RICTOR: variants seen among roughly 807,000 people sequenced by gnomAD.
RICTOR encodes RPTOR independent companion of MTOR complex 2, also known as rapamycin-insensitive companion of mTOR.
A neutral mutation model predicts 214.9 loss-of-function variants in RICTOR; 49 were observed. That is an observed-to-expected ratio of 0.23 (90% confidence interval 0.18 to 0.29). The LOEUF (loss-of-function observed/expected upper bound fraction) is 0.29. Among genes scored for constraint, RICTOR ranks in the 10% least tolerant of loss-of-function variants. RICTOR has a pLI of 1.00. For synonymous variants in RICTOR, 717 were observed against 711.3 expected, an observed-to-expected ratio of 1.01 and a Z score of -0.13; for missense variants, 1,625 against 2,047.0, an observed-to-expected ratio of 0.79 and a Z score of 3.98.
rs193127360 is a variant in RICTOR, at chr5:38,989,825, G to T, written c.583+1124C>A. The stretch of plus-strand genomic sequence containing the variant: ...ATACCATCTCACCCCAGTAAGAATG[G>T]CGATCATTAAAAAGTCAGGAACCAA... On this transcript the variant is annotated intron_variant, in intron 7 of 37. Coordinates refer to ENST00000357387, the MANE Select transcript of RICTOR (RefSeq NM_152756.5). Among the ~76,000 whole-genome samples the T allele has an allele frequency of 5.9e-3, 902 of 152,236 alleles. 12 individuals carry two copies. The highest frequency in any genetic ancestry group is 0.021 in the African/African-American group (864 of 41,548).
rs549686849 is a variant in RICTOR, at chr5:38,947,911, C to T, written c.4137-470G>A. Among the ~76,000 whole-genome samples, 7 of 152,068 alleles carry T rather than the reference C, an allele frequency of 4.6e-5. No individual in the cohort carries two copies. In the South Asian group the frequency reaches 1.2e-3, roughly 27 times the overall value. ...TATTTGTGTGATAATTACCTTAATG[C>T]CTTCATTATCAACATAAGATTTATG... is the stretch of plus-strand genomic sequence containing the variant. On this transcript the variant is annotated intron_variant, in intron 31 of 37. Transcript: ENST00000357387.
At chr5:38,957,403 G>C (rs1029790211) in intron 25 of RICTOR, among the ~76,000 whole-genome samples, 1 of 152,062 alleles carries the variant, frequency 6.6e-6, no homozygotes, top group African/African-American at 2.4e-5. Context: ...AATGAGTTGA[G>C]AGTCAAATTT....
intron 5 of RICTOR, 116 bp downstream of exon 5, chr5:39,002,419 C>G (rs1480582485): frequency 3.2e-6 from 2 of 615,772 alleles, no homozygotes; most frequent in Non-Finnish European, 5.8e-6. Flanking sequence ...TATATATACA[C>G]ACACACAAAA....
intron 6 of RICTOR, among the ~76,000 whole-genome samples, chr5:38,993,762 G>C (rs1161822637): frequency 3.3e-5 from 5 of 151,986 alleles, no homozygotes; most frequent in African/African-American, 1.2e-4. Flanking sequence ...AATCCAAAAT[G>C]CTCCAAAATC....
chr5:39,008,350 T>A (rs1754232686), intron 3 of RICTOR, among the ~76,000 whole-genome samples: 1 of 152,124 alleles, frequency 6.6e-6, no homozygotes. Flanking sequence ...GTAACAATTA[T>A]TGACTGGTAA....
intron 9 of RICTOR, 115 bp from the exon 10 acceptor site, chr5:38,975,719 TAAAATTAAAA>T: frequency 1.4e-6 from 1 of 736,228 alleles, no homozygotes; most frequent in Non-Finnish European, 2.3e-6. Flanking sequence ...CATTTACACA[TAAAATTAAAA>T]CAAGACAAAG....
chr5:38,940,668 A>G lies in RICTOR; in HGVS notation c.*1636T>C, dbSNP rs1747462926. ...TTTGTTATAATGTAAGTTGCTACAC[A>G]GTGCACATAAGAACAATTCACTGAA... On this transcript the variant is annotated 3_prime_UTR_variant, in exon 38 of 38. Transcript: ENST00000357387. 4.3e-6 allele frequency: 1 copy of G among 232,854 alleles called. No individual in the cohort carries two copies. The highest frequency in any genetic ancestry group is 8.5e-6 in the Non-Finnish European group (1 of 117,622). The allele number at this position is 232,854 out of a possible 1,614,324, so 14.4% of individuals were successfully genotyped here.
At chr5:39,064,970 G>A (rs574395884) in intron 2 of RICTOR, among the ~76,000 whole-genome samples, 1 of 152,282 alleles carries the variant, frequency 6.6e-6, no homozygotes, top group South Asian at 2.1e-4. Context: ...TCAGATTAAA[G>A]CAGAACCTCG....
At chr5:39,073,543 C>G (rs1759480258) in intron 2 of RICTOR, among the ~76,000 whole-genome samples, 1 of 152,152 alleles carries the variant, frequency 6.6e-6, no homozygotes, top group African/African-American at 2.4e-5. Flanking sequence ...CAGCATAAAC[C>G]AGACATTTAG....
At chr5:38,973,987 C>G (rs1378527990) in intron 10 of RICTOR, among the ~76,000 whole-genome samples, 1 of 152,092 alleles carries the variant, frequency 6.6e-6, no homozygotes, top group Non-Finnish European at 1.5e-5. Context: ...AAGGTTTTAA[C>G]TTATAATGCT....
intron 2 of RICTOR, among the ~76,000 whole-genome samples, chr5:39,050,369 C>G (rs927671075): frequency 4.6e-5 from 7 of 151,890 alleles, no homozygotes; most frequent in African/African-American, 7.3e-5. Context: ...CGGGGTCTCT[C>G]TCTGTCTCCC....
At chr5:38,978,969 A>C (rs1285538291) in intron 8 of RICTOR, among the ~76,000 whole-genome samples, 2 of 152,214 alleles carry the variant, frequency 1.3e-5, no homozygotes, top group Non-Finnish European at 2.9e-5. Flanking sequence ...AGTCACAATC[A>C]GTATCTATCC....
At chr5:39,057,474 G>A (rs544174528) in intron 2 of RICTOR, among the ~76,000 whole-genome samples, 7 of 151,984 alleles carry the variant, frequency 4.6e-5, no homozygotes, top group Non-Finnish European at 1.0e-4. Context: ...CATGTGGAAC[G>A]GTCACTGGTT....
chr5:38,958,527 A>G lies in RICTOR; in HGVS notation c.2344-8T>C. The G allele has an allele frequency of 6.2e-7, 1 of 1,601,414 alleles. No individual in the cohort carries two copies. The highest frequency in any genetic ancestry group is 8.5e-7 in the Non-Finnish European group (1 of 1,172,620). On this transcript the variant is annotated splice_polypyrimidine_tract_variant and splice_region_variant and intron_variant, in intron 23 of 37. Coordinates refer to ENST00000357387, the MANE Select transcript of RICTOR (RefSeq NM_152756.5). Reference sequence around the variant, plus strand: ...GAGAGCATGAAGATTGGCCTAAAAGAGATTATCATTATTTTTTTATAATTG... The same window carrying G: ...GAGAGCATGAAGATTGGCCTAAAAGGGATTATCATTATTTTTTTATAATTG...
chr5:39,039,572 C>T lies in RICTOR; in HGVS notation c.98-18436G>A, dbSNP rs184598891. Among the ~76,000 whole-genome samples, 848 of 152,290 alleles carry T rather than the reference C, an allele frequency of 5.6e-3. 9 individuals carry two copies. The highest frequency in any genetic ancestry group is 0.019 in the African/African-American group (807 of 41,554). Reference sequence around the variant, plus strand: ...AAATTTTTGCAACCTACTCATCTGACAAAGGGCTAATATCCAGAATCTACA... The same window carrying T: ...AAATTTTTGCAACCTACTCATCTGATAAAGGGCTAATATCCAGAATCTACA... On this transcript the variant is annotated intron_variant, in intron 2 of 37. Transcript: ENST00000357387.
At chr5:39,024,639 C>T (rs1482890956) in intron 2 of RICTOR, among the ~76,000 whole-genome samples, 4 of 152,152 alleles carry the variant, frequency 2.6e-5, no homozygotes, top group African/African-American at 4.8e-5. Flanking sequence ...ATAATCTAAA[C>T]ATTTTACTTC....
intron 6 of RICTOR, among the ~76,000 whole-genome samples, chr5:38,995,671 T>TAA (rs1256612934): frequency 6.6e-6 from 1 of 152,144 alleles, no homozygotes; most frequent in Non-Finnish European, 1.5e-5. Context: ...CCTAACATTA[T>TAA]AAATACTGAC....
intron 3 of RICTOR, among the ~76,000 whole-genome samples, chr5:39,006,470 C>T (rs1273857347): frequency 6.6e-6 from 1 of 151,746 alleles, no homozygotes; most frequent in Non-Finnish European, 1.5e-5. Context: ...CACTGAAGAC[C>T]AAGAAGGGTC....
At chr5:39,029,021 T>C (rs1397484353) in intron 2 of RICTOR, among the ~76,000 whole-genome samples, 2 of 152,200 alleles carry the variant, frequency 1.3e-5, no homozygotes, top group Non-Finnish European at 2.9e-5. Context: ...ATTCTATTTG[T>C]ATGCAATGCA....
Sources: gnomAD v4.1 joint callset for allele counts (sites outside exome capture counted in the v4.1 genomes callset) on GRCh38, gnomAD v4.1.1 for gene constraint, MANE v1.5 for transcripts, NCBI Gene and HGNC (gene_info 2026-07-23, HGNC 2026-07-21) for gene names.